Variants in BCL9 observed in about 807,000 individuals in gnomAD.
The protein encoded by BCL9 is BCL9 transcription coactivator, also known as B-cell CLL/lymphoma 9 protein.
A neutral mutation model predicts 88.5 loss-of-function variants in BCL9; 25 were observed. The observed-to-expected ratio is 0.28, with a 90% confidence interval of 0.21 to 0.39. The LOEUF (loss-of-function observed/expected upper bound fraction) is 0.39. Ranked by LOEUF, BCL9 falls within the 10% of genes least tolerant of loss-of-function variation. BCL9 has a pLI of 1.00. For synonymous variants in BCL9, 711 were observed against 673.3 expected (o/e 1.06, Z -0.87); for missense variants, 1,817 against 1,877.8 (o/e 0.97, Z 0.60).
chr1:147,578,960 G>A (rs1656232010), intron 1 of BCL9, among the ~76,000 whole-genome samples: 2 of 151,972 alleles, frequency 1.3e-5, no homozygotes, highest in Admixed American at 1.3e-4. Context: ...CTGCCTCCTG[G>A]GTTCAAGCGA....
intron 1 of BCL9, among the ~76,000 whole-genome samples, chr1:147,553,521 T>G (rs1488129156): frequency 1.3e-5 from 2 of 152,210 alleles, no homozygotes; most frequent in African/African-American, 2.4e-5. Context: ...TTAGGTCCTG[T>G]TCACCTCTGC....
At chr1:147,612,454 A>G (rs150949955) in intron 4 of BCL9, among the ~76,000 whole-genome samples, 1 of 152,156 alleles carries the variant, frequency 6.6e-6, no homozygotes, top group African/African-American at 2.4e-5. Context: ...CTTTGGGACC[A>G]GCTTGCATTT....
chr1:147,618,779 T>C (rs1658431580), intron 7 of BCL9, 37 bp from the exon 8 acceptor site: 1 of 1,488,310 alleles, frequency 6.7e-7, no homozygotes. Context: ...TTCTGTTCAG[T>C]TTACTAATGA....
At chr1:147,569,842 A>G (rs1482096504) in intron 1 of BCL9, among the ~76,000 whole-genome samples, 1 of 152,166 alleles carries the variant, frequency 6.6e-6, no homozygotes. Context: ...AATCTGCAGG[A>G]TAATGTAGGA....
At position 147,619,660 on chromosome 1, in the gene BCL9, T is replaced by C. The variant is rs376626753; in HGVS notation, c.1505T>C (p.Val502Ala). 4 of 1,613,896 alleles carry C rather than the reference T, an allele frequency of 2.5e-6. No homozygotes were observed. Among genetic ancestry groups the C allele is most frequent in the African/African-American group, 1.3e-5 (1 of 74,878 alleles). ...VQQCSLQDMM[V>A]HQHGPRGVVR... ...CAGTGTTCCCTCCAGGACATGATGG[T>C]CCATCAGCACGGGCCTCGGGGAGTG... The change falls in exon 8 of 10, where the codon GTC becomes GCC. Residue 502 changes from valine (V) to alanine (A), a missense_variant. Around this residue, in one of 2 missense-constraint regions of BCL9, gnomAD observed 1,228 missense variants for 1,191.6 expected, o/e 1.03. Transcript: ENST00000234739. This position sits in a 1 kb window ranked among gnomAD's most constrained non-coding sequence, Gnocchi z 4.1.
In BCL9 at chr1:147,619,972, C is replaced by T. The variant is rs1450255351; in HGVS notation, c.1817C>T (p.Pro606Leu). ...AAAATCCCAGATGGTCGAAATTTTC[C>T]TCCTGGCCAGGGCATTTTCAGCGGT... ...VPKIPDGRNFPPGQGIFSGPG... is the reference protein window; with the variant it reads ...VPKIPDGRNFLPGQGIFSGPG... Residue 606 changes from proline to leucine, a missense_variant, in exon 8 of 10, where the codon CCT becomes CTT. Around this residue, in one of 2 missense-constraint regions of BCL9, gnomAD observed 1,228 missense variants for 1,191.6 expected, o/e 1.03. Coordinates refer to ENST00000234739, the MANE Select transcript of BCL9 (RefSeq NM_004326.4). The surrounding 1 kb of genome is among the most constrained non-coding windows in gnomAD (Gnocchi z 4.1). 1.2e-6 allele frequency: 2 copies of T among 1,614,212 alleles called. No individual in the cohort carries two copies. Among genetic ancestry groups the T allele is most frequent in the Admixed American group, 1.7e-5 (1 of 60,030 alleles).
intron 1 of BCL9, among the ~76,000 whole-genome samples, chr1:147,573,048 T>C (rs912909705): frequency 2.0e-5 from 3 of 152,274 alleles, no homozygotes; most frequent in East Asian, 3.8e-4. Context: ...TGGAACATCT[T>C]ATTAGCCTTG....
At position 147,620,384 on chromosome 1, in the gene BCL9, C is replaced by T. The variant is rs782643713; in HGVS notation, c.2229C>T (p.Gly743=). The T allele has an allele frequency of 6.2e-7, 1 of 1,613,848 alleles. No homozygotes were observed. The highest frequency in any genetic ancestry group is 2.2e-5 in the East Asian group (1 of 44,868). ...AGAAGATGAGAGAGGCTGGGGCGGGCCCTGAGGAGATGCTGAAATTACGCC... is the reference window on the plus strand; with the variant it reads ...AGAAGATGAGAGAGGCTGGGGCGGGTCCTGAGGAGATGCTGAAATTACGCC... ...IPQKMREAGA[G]PEEMLKLRPG... The change falls in exon 8 of 10, where the codon GGC becomes GGT. Residue 743 remains glycine, a synonymous_variant. Transcript: ENST00000234739.
At chr1:147,623,637 A>G (rs587729816) in intron 9 of BCL9, among the ~76,000 whole-genome samples, 2 of 152,334 alleles carry the variant, frequency 1.3e-5, no homozygotes, top group South Asian at 4.1e-4. Flanking sequence ...TTTAAGACTC[A>G]ATAATATATT....
intron 1 of BCL9, among the ~76,000 whole-genome samples, chr1:147,579,825 G>A (rs1656282477): frequency 6.6e-6 from 1 of 152,112 alleles, no homozygotes; most frequent in Non-Finnish European, 1.5e-5. Context: ...ATATTAACTC[G>A]AACCACAGCA....
At chr1:147,617,805 C>T (rs909395889) in intron 7 of BCL9, among the ~76,000 whole-genome samples, 1 of 152,120 alleles carries the variant, frequency 6.6e-6, no homozygotes, top group African/African-American at 2.4e-5. Context: ...AAAAAAGGGT[C>T]TGGAGAAAGG....
chr1:147,599,906 G>C (rs934220597), intron 1 of BCL9, among the ~76,000 whole-genome samples: 1 of 151,498 alleles, frequency 6.6e-6, no homozygotes, highest in African/African-American at 2.4e-5. Flanking sequence ...TTTCCCTGAA[G>C]GGGCACGAGC....
At chr1:147,565,940 C>T (rs1655575101) in intron 1 of BCL9, among the ~76,000 whole-genome samples, 2 of 152,166 alleles carry the variant, frequency 1.3e-5, no homozygotes, top group African/African-American at 4.8e-5. Flanking sequence ...TTCTAGATAA[C>T]CAACACAATA....
intron 1 of BCL9, among the ~76,000 whole-genome samples, chr1:147,554,771 A>G (rs1655032155): frequency 6.6e-6 from 1 of 152,190 alleles, no homozygotes; most frequent in Admixed American, 6.5e-5. Context: ...AAATGGAGAT[A>G]GTGGAAATAG....
chr1:147,541,580 G>A lies in BCL9; in HGVS notation c.-572G>A, dbSNP rs1358897897. 1 of 152,162 alleles carries A rather than the reference G, an allele frequency of 6.6e-6. No individual in the cohort carries two copies. Among genetic ancestry groups the A allele is most frequent in the Non-Finnish European group, 1.5e-5 (1 of 68,086 alleles). The allele number at this position is 152,162 out of a possible 1,614,324, so 9.4% of individuals were successfully genotyped here. On this transcript the variant is annotated 5_prime_UTR_variant, in exon 1 of 10. Transcript: ENST00000234739. Reference sequence around the variant, plus strand: ...TGTCCTGGTGTCTTGATACCAGGAGGCCAGGGATTGCGGGAAAAGGGTCTT... The same window carrying A: ...TGTCCTGGTGTCTTGATACCAGGAGACCAGGGATTGCGGGAAAAGGGTCTT...
At chr1:147,599,173 AC>A (rs1657192148) in intron 1 of BCL9, among the ~76,000 whole-genome samples, 1 of 152,112 alleles carries the variant, frequency 6.6e-6, no homozygotes, top group South Asian at 2.1e-4. Flanking sequence ...AGACCCCTGC[AC>A]CCCCGGCGCA....
At position 147,623,947 on chromosome 1, in the gene BCL9, A is replaced by G. The variant is rs782139340; in HGVS notation, c.3269A>G (p.Asn1090Ser). ...ATGACCCAGCCACTTTCTCACTCCA[A>G]TCAGATGCCCTCTCCAAATGCCGTG... ...MGMTQPLSHS[N>S]QMPSPNAVGP... The change falls in exon 10 of 10, where the codon AAT becomes AGT. Residue 1090 changes from asparagine to serine, a missense_variant. Physicochemically the swap from Asn to Ser is conservative, Grantham distance 46 (BLOSUM62 1). This residue lies in a region of BCL9 where 589 missense variants were observed against 686.2 expected (regional missense o/e 0.86). Transcript: ENST00000234739. 2.5e-6 allele frequency: 4 copies of G among 1,614,162 alleles called. No homozygotes were observed. The East Asian group carries it at 8.9e-5, about 36-fold the overall frequency.
rs903480429 is a variant in BCL9, at chr1:147,619,618, A to C, written c.1463A>C (p.Glu488Ala). The C allele has an allele frequency of 6.2e-7, 1 of 1,613,978 alleles. No individual in the cohort carries two copies. The highest frequency in any genetic ancestry group is 1.3e-5 in the African/African-American group (1 of 74,896). ...TATGAAGAGAAGAGGAGGAAGCAGG[A>C]ACAAGTGGTTGTCCAGCAGTGTTCC... ...EFYEEKRRKQEQVVVQQCSLQ... is the reference protein window; with the variant it reads ...EFYEEKRRKQAQVVVQQCSLQ... Residue 488 changes from glutamate (E) to alanine (A), a missense_variant, in exon 8 of 10, where the codon GAA becomes GCA. Glu to Ala is a moderately radical substitution (Grantham distance 107). Coordinates refer to ENST00000234739, the MANE Select transcript of BCL9 (RefSeq NM_004326.4). The surrounding 1 kb of genome is among the most constrained non-coding windows in gnomAD (Gnocchi z 4.1).
intron 1 of BCL9, among the ~76,000 whole-genome samples, chr1:147,543,901 G>A (rs1400016867): frequency 6.6e-6 from 1 of 152,146 alleles, no homozygotes; most frequent in Non-Finnish European, 1.5e-5. Context: ...GGCACCTTTT[G>A]TAGTTCTGCT....
Sources: allele counts gnomAD v4.1 joint callset (sites outside exome capture counted in the v4.1 genomes callset), GRCh38; gene constraint gnomAD v4.1.1; regional missense constraint gnomAD v4.1.1; non-coding constraint Gnocchi (gnomAD v3.1); transcripts MANE v1.5; gene names NCBI Gene and HGNC (gene_info 2026-07-23, HGNC 2026-07-21).